Variants in PTPRG observed in about 807,000 individuals in gnomAD.
PTPRG encodes the protein receptor-type tyrosine-protein phosphatase gamma.
A neutral mutation model predicts 165.3 loss-of-function variants in PTPRG; 102 were observed. That is an observed-to-expected ratio of 0.62 (90% CI 0.53 to 0.73). The LOEUF is 0.73. PTPRG is among the 30% of genes least tolerant of loss of function. The pLI is 0.00. For synonymous variants in PTPRG, 675 were observed against 669.5 expected, an observed-to-expected ratio of 1.01 and a Z score of -0.13; for missense variants, 1,866 against 1,861.4, an observed-to-expected ratio of 1.00 and a Z score of -0.05.
intron 2 of PTPRG, among the ~76,000 whole-genome samples, chr3:61,868,293 T>C (rs761188674): frequency 1.3e-5 from 2 of 152,214 alleles, no homozygotes; most frequent in African/African-American, 2.4e-5. Flanking sequence ...TTCTGTTTCA[T>C]CTCTGCTTAC....
intron 1 of PTPRG, among the ~76,000 whole-genome samples, chr3:61,708,500 C>T (rs192491894): frequency 7.3e-5 from 9 of 122,714 alleles, no homozygotes; most frequent in South Asian, 2.7e-4. Flanking sequence ...CTTGCTCTGT[C>T]ACCCTGACTG....
At chr3:61,763,861 T>G (rs993738662) in intron 2 of PTPRG, among the ~76,000 whole-genome samples, 1 of 152,226 alleles carries the variant, frequency 6.6e-6, no homozygotes, top group Admixed American at 6.5e-5. Flanking sequence ...TCTTCTATAG[T>G]TACTAGTTAC....
intron 1 of PTPRG, among the ~76,000 whole-genome samples, chr3:61,603,226 C>T (rs1700914658): frequency 6.6e-6 from 1 of 152,212 alleles, no homozygotes; most frequent in African/African-American, 2.4e-5. Context: ...ATGTTTGTCC[C>T]TACCCAACAC....
chr3:61,746,594 A>C (rs913297378), intron 1 of PTPRG, among the ~76,000 whole-genome samples: 1 of 151,946 alleles, frequency 6.6e-6, no homozygotes, highest in African/African-American at 2.4e-5. Flanking sequence ...CCACCCCCCG[A>C]GGCTTCCACT....
At chr3:61,985,741 A>G (rs2040743297) in intron 2 of PTPRG, among the ~76,000 whole-genome samples, 1 of 152,198 alleles carries the variant, frequency 6.6e-6, no homozygotes, top group Non-Finnish European at 1.5e-5. Flanking sequence ...CTTTGATTAC[A>G]GAGGTCTGTT....
At position 61,939,928 on chromosome 3, in the gene PTPRG, C is replaced by CTTTTTTTTTT. The variant is rs561334410; in HGVS notation, c.191-49670_191-49661dup. The stretch of plus-strand genomic sequence containing the variant: ...TGTCTTGGCTTCCTTACTGACTTGT[C>CTTTTTTTTTT]TTTTTTTTTTTTTTTTTTTTTTTTT... On this transcript the variant is annotated intron_variant, in intron 2 of 29. Transcript: ENST00000474889. Among the ~76,000 whole-genome samples the CTTTTTTTTTT allele has an allele frequency of 1.8e-3, 72 of 39,142 alleles. 21 individuals carry two copies. The highest frequency in any genetic ancestry group is 2.7e-3 in the Non-Finnish European group (58 of 21,766). The allele number at this position is 39,142 out of a possible 152,430, so 25.7% of individuals were successfully genotyped here.
Position 61,860,434 on chromosome 3 carries a change from CTTTTTTTTTTTTTTTT to C in PTPRG, c.190+111461_190+111476del, listed in dbSNP as rs766688465. On this transcript the variant is annotated intron_variant, in intron 2 of 29. Coordinates refer to ENST00000474889, the MANE Select transcript of PTPRG (RefSeq NM_002841.4). ...GCTGTGCTTTTTTTTGTTTTTGTTC[CTTTTTTTTTTTTTTTT>C]TTTTTTTTGAGACGAAGTCTCGCTT... is the stretch of plus-strand genomic sequence containing the variant. Among the ~76,000 whole-genome samples, 3 of 95,554 alleles carry C rather than the reference CTTTTTTTTTTTTTTTT, an allele frequency of 3.1e-5. 1 individual carries two copies. The highest frequency in any genetic ancestry group is 1.4e-4 in the Admixed American group (1 of 7,022). 62.7% of individuals were successfully genotyped at this position (95,554 alleles called of 152,430 possible). A position where few individuals can be genotyped will look rare whatever the true frequency, so the allele number is the denominator to read the frequency against.
At chr3:61,767,240 C>CAA (rs71100976) in intron 2 of PTPRG, among the ~76,000 whole-genome samples, 1 of 111,528 alleles carries the variant, frequency 9.0e-6, no homozygotes, top group East Asian at 3.2e-4. Flanking sequence ...GATTCCATCT[C>CAA]AAAAAAAAAA....
chr3:61,568,273 CTT>C (rs1306506121), intron 1 of PTPRG, among the ~76,000 whole-genome samples: 2 of 152,160 alleles, frequency 1.3e-5, no homozygotes, highest in African/African-American at 4.8e-5. Flanking sequence ...GTTAATGTCT[CTT>C]TAAAAGATGT....
chr3:61,861,306 G>A (rs2037263917), intron 2 of PTPRG, among the ~76,000 whole-genome samples: 1 of 149,774 alleles, frequency 6.7e-6, no homozygotes, highest in Non-Finnish European at 1.5e-5. Context: ...TCTTAGTGGG[G>A]AAAAAAAAAA....
At chr3:62,161,239 T>C (rs1282508432) in intron 7 of PTPRG, among the ~76,000 whole-genome samples, 1 of 152,120 alleles carries the variant, frequency 6.6e-6, no homozygotes, top group African/African-American at 2.4e-5. Flanking sequence ...TGTTGTTGGT[T>C]TTGTTGTTGT....
chr3:62,230,941 T>G (rs909822105), intron 13 of PTPRG, among the ~76,000 whole-genome samples: 2 of 152,176 alleles, frequency 1.3e-5, no homozygotes, highest in African/African-American at 4.8e-5. Context: ...ACTGTGTTTG[T>G]GATATCCTAA....
At chr3:61,612,900 A>G (rs1051915736) in intron 1 of PTPRG, among the ~76,000 whole-genome samples, 1 of 150,858 alleles carries the variant, frequency 6.6e-6, no homozygotes, top group Non-Finnish European at 1.5e-5. Context: ...CGCACTTGTA[A>G]TCTTTTGGTA....
chr3:62,280,625 T>C (rs1363094370), intron 26 of PTPRG, among the ~76,000 whole-genome samples: 1 of 152,050 alleles, frequency 6.6e-6, no homozygotes, highest in Admixed American at 6.6e-5. Flanking sequence ...TGTAGATTGC[T>C]AGAGCCATGA....
intron 2 of PTPRG, among the ~76,000 whole-genome samples, chr3:61,982,707 C>T (rs1301398481): frequency 6.6e-6 from 1 of 152,152 alleles, no homozygotes; most frequent in African/African-American, 2.4e-5. Context: ...AACAGTAAAA[C>T]AGGCTCCAGA....
rs75690770 is a variant in PTPRG at position 61,588,381 on chromosome 3, A to T, written c.85+26009A>T. 1.3e-4 allele frequency among the ~76,000 whole-genome samples: 19 copies of T among 146,728 alleles called. No individual in the cohort carries two copies. The East Asian group carries it at 3.0e-3, about 23-fold the overall frequency. ...TCCAGAAATACAAAATTTAAGGATAATTTTTTTTTTTTTATCTTGAGACAG... is the reference window on the plus strand; with the variant it reads ...TCCAGAAATACAAAATTTAAGGATATTTTTTTTTTTTTTATCTTGAGACAG... On this transcript the variant is annotated intron_variant, in intron 1 of 29. Coordinates refer to ENST00000474889, the MANE Select transcript of PTPRG (RefSeq NM_002841.4).
chr3:61,594,322 G>T (rs1700642434), intron 1 of PTPRG, among the ~76,000 whole-genome samples: 1 of 152,086 alleles, frequency 6.6e-6, no homozygotes, highest in African/African-American at 2.4e-5. Flanking sequence ...GGGTGCAGCT[G>T]TGGGCTGTTA....
chr3:61,934,031 T>C (rs2039426227), intron 2 of PTPRG, among the ~76,000 whole-genome samples: 1 of 152,238 alleles, frequency 6.6e-6, no homozygotes, highest in Non-Finnish European at 1.5e-5. Context: ...GAATATTTTA[T>C]GGGCTTAAAG....
intron 2 of PTPRG, among the ~76,000 whole-genome samples, chr3:61,987,102 A>G (rs796773383): frequency 7.9e-5 from 12 of 152,348 alleles, no homozygotes; most frequent in African/African-American, 2.9e-4. Context: ...GTGAGAATAG[A>G]TAATCAATAT....
Sources: allele counts gnomAD v4.1 joint callset (sites outside exome capture counted in the v4.1 genomes callset), GRCh38; gene constraint gnomAD v4.1.1; transcripts MANE v1.5; gene names NCBI Gene and HGNC (gene_info 2026-07-23, HGNC 2026-07-21).